Variants in UBA2 observed in about 807,000 individuals in gnomAD.
UBA2 encodes the protein ubiquitin like modifier activating enzyme 2.
A neutral mutation model predicts 77.2 loss-of-function variants in UBA2; 11 were observed. The ratio of observed to expected loss-of-function variants is 0.14; its 90% CI spans 0.09 to 0.24. UBA2 has a LOEUF of 0.24. Among genes scored for constraint, UBA2 ranks in the 10% least tolerant of loss-of-function variants. The probability of loss-of-function intolerance (pLI) is 1.00; values close to 1 mark genes in which losing one functional copy is unlikely to be tolerated. For missense variants in UBA2, 487 were observed against 781.7 expected (o/e 0.62, Z 4.50); for synonymous variants, 278 against 276.7 (o/e 1.00, Z -0.05).
intron 2 of UBA2, 152 bp from the exon 3 acceptor site, chr19:34,431,709 C>T: frequency 1.5e-6 from 1 of 661,210 alleles, no homozygotes. Context: ...TGTAGCTTAA[C>T]CCTAATGCAA....
chr19:34,469,663 G>A lies in UBA2; in HGVS notation c.*442G>A, dbSNP rs1232524046. On this transcript the variant is annotated 3_prime_UTR_variant, in exon 17 of 17. Coordinates refer to ENST00000246548, the MANE Select transcript of UBA2 (RefSeq NM_005499.3). ...ATTGAAACAGATTCAAAGAAGTATC[G>A]AGTGCTATGCATTGAAACTTGTTTT... 6.6e-6 allele frequency: 1 copy of A among 152,614 alleles called. No individual in the cohort carries two copies. The highest frequency in any genetic ancestry group is 1.5e-5 in the Non-Finnish European group (1 of 68,118). The allele number at this position is 152,614 out of a possible 1,614,324, so 9.5% of individuals were successfully genotyped here.
chr19:34,439,657 G>A (rs1599897663), intron 6 of UBA2, among the ~76,000 whole-genome samples: 1 of 151,776 alleles, frequency 6.6e-6, no homozygotes, highest in Admixed American at 6.6e-5. Flanking sequence ...TGGCAAAACC[G>A]TGTCTCTACA....
At chr19:34,460,994 T>C (rs551568967) in intron 14 of UBA2, among the ~76,000 whole-genome samples, 1 of 152,370 alleles carries the variant, frequency 6.6e-6, no homozygotes, top group Non-Finnish European at 1.5e-5. Flanking sequence ...TTCTGATCTT[T>C]CCTTTCAAAA....
At chr19:34,441,271 C>T (rs1331535871) in intron 6 of UBA2, among the ~76,000 whole-genome samples, 5 of 151,822 alleles carry the variant, frequency 3.3e-5, no homozygotes, top group Admixed American at 6.6e-5. Context: ...CTGGCTAACA[C>T]GGTGAAACCC....
chr19:34,429,861 A>G (rs939695958), intron 1 of UBA2, among the ~76,000 whole-genome samples: 2 of 152,120 alleles, frequency 1.3e-5, no homozygotes, highest in African/African-American at 4.8e-5. Flanking sequence ...AGAACAGGGC[A>G]TAGTTAAATT....
chr19:34,430,986 C>T (rs1377273279), intron 2 of UBA2, among the ~76,000 whole-genome samples: 1 of 152,132 alleles, frequency 6.6e-6, no homozygotes, highest in African/African-American at 2.4e-5. Flanking sequence ...GAGCGTTATG[C>T]TGCTGTCCTA....
At chr19:34,433,490 A>G in intron 4 of UBA2, 78 bp downstream of exon 4, 1 of 1,002,248 alleles carries the variant, frequency 1.0e-6, no homozygotes, top group Non-Finnish European at 1.5e-6. Flanking sequence ...TTTAATATTT[A>G]TTAGACTATT....
chr19:34,451,719 T>C (rs1298343777), intron 9 of UBA2, among the ~76,000 whole-genome samples: 4 of 152,062 alleles, frequency 2.6e-5, no homozygotes, highest in East Asian at 3.9e-4. Flanking sequence ...GCATATTTTT[T>C]GTATTTTTAG....
chr19:34,464,036 C>G lies in UBA2; in HGVS notation c.1509C>G (p.His503Gln). Residue 503 changes from histidine to glutamine, a missense_variant, in exon 15 of 17, where the codon CAC becomes CAG. Around this residue, in one of 9 missense-constraint regions of UBA2, gnomAD observed 300 missense variants for 454.3 expected, o/e 0.66. Transcript: ENST00000246548. ...ATTCACGTTTCCTAGCTAATAATCACAAGAAGTTGTCAGAATTTGGAATTA... is the reference window on the plus strand; with the variant it reads ...ATTCACGTTTCCTAGCTAATAATCAGAAGAAGTTGTCAGAATTTGGAATTA... Reference protein sequence around the residue: ...SEEGETEANNHKKLSEFGIRN... With the variant: ...SEEGETEANNQKKLSEFGIRN... 1 of 1,611,700 alleles carries G rather than the reference C, an allele frequency of 6.2e-7. No homozygotes were observed. Among genetic ancestry groups the G allele is most frequent in the East Asian group, 2.2e-5 (1 of 44,846 alleles).
chr19:34,438,295 A>G (rs1383611460), intron 5 of UBA2, among the ~76,000 whole-genome samples: 3 of 151,684 alleles, frequency 2.0e-5, no homozygotes, highest in Non-Finnish European at 2.9e-5. Flanking sequence ...TTTGAGAAAT[A>G]ATTTCTTGGA....
Position 34,458,912 on chromosome 19 carries a change from C to G in UBA2, c.1389C>G (p.Thr463=), listed in dbSNP as rs1399830188. Residue 463 remains threonine (T), a synonymous_variant, in exon 13 of 17, where the codon ACC becomes ACG. Coordinates refer to ENST00000246548, the MANE Select transcript of UBA2 (RefSeq NM_005499.3). ...RLNVHKVTVL[T]LQDKIVKEKF... is the part of the protein sequence containing the mutation. ...ATGTCCATAAAGTGACTGTTCTCACCTTACAAGACAAGGTCAGTGCAAGGC... is the reference window on the plus strand; with the variant it reads ...ATGTCCATAAAGTGACTGTTCTCACGTTACAAGACAAGGTCAGTGCAAGGC... 29 of 1,613,566 alleles carry G rather than the reference C, an allele frequency of 1.8e-5. No individual in the cohort carries two copies. The highest frequency in any genetic ancestry group is 2.4e-5 in the Non-Finnish European group (28 of 1,179,874).
chr19:34,468,280 A>C (rs1349690051), intron 16 of UBA2, among the ~76,000 whole-genome samples: 1 of 152,224 alleles, frequency 6.6e-6, no homozygotes, highest in African/African-American at 2.4e-5. Flanking sequence ...ACGAACATTC[A>C]GATTATGGCC....
chr19:34,442,535 C>A (rs377067934), intron 6 of UBA2, among the ~76,000 whole-genome samples: 2 of 152,126 alleles, frequency 1.3e-5, no homozygotes, highest in Non-Finnish European at 1.5e-5. Flanking sequence ...TGGGTTCAAG[C>A]GATTCTCCTG....
At chr19:34,428,788 A>G (rs2075217662) in intron 1 of UBA2, 2 of 1,142,086 alleles carry the variant, frequency 1.8e-6, no homozygotes, top group South Asian at 9.0e-5. Flanking sequence ...CCGGCTCCGG[A>G]CGCCGAGGAG....
At chr19:34,459,671 G>A (rs557004359) in intron 13 of UBA2, among the ~76,000 whole-genome samples, 2 of 152,260 alleles carry the variant, frequency 1.3e-5, no homozygotes, top group South Asian at 4.1e-4. Context: ...ACCCAAAAGT[G>A]TCACTTTCCA....
chr19:34,457,615 C>T (rs886766992), intron 12 of UBA2, among the ~76,000 whole-genome samples: 2 of 152,100 alleles, frequency 1.3e-5, no homozygotes, highest in South Asian at 4.1e-4. Flanking sequence ...TACGGAGAAG[C>T]TATTTTACAG....
intron 12 of UBA2, among the ~76,000 whole-genome samples, chr19:34,458,416 C>T (rs533027808): frequency 1.8e-4 from 28 of 151,672 alleles, no homozygotes; most frequent in African/African-American, 5.6e-4. Flanking sequence ...AAAAATTAGC[C>T]GGGCGAGGTG....
At chr19:34,432,859 T>C (rs887928723) in intron 3 of UBA2, among the ~76,000 whole-genome samples, 1 of 151,176 alleles carries the variant, frequency 6.6e-6, no homozygotes, top group Admixed American at 6.6e-5. Flanking sequence ...CCGGCCTGTA[T>C]CTCCGGCTTG....
chr19:34,436,890 G>A (rs996456414), intron 5 of UBA2, among the ~76,000 whole-genome samples: 19 of 152,114 alleles, frequency 1.2e-4, no homozygotes, highest in Non-Finnish European at 2.4e-4. Context: ...ATGTCAGTGC[G>A]TATTAAGTTG....
Sources: gnomAD v4.1 joint callset for allele counts (sites outside exome capture counted in the v4.1 genomes callset) on GRCh38, gnomAD v4.1.1 for gene constraint, gnomAD v4.1.1 regional missense constraint, MANE v1.5 for transcripts, NCBI Gene and HGNC (gene_info 2026-07-23, HGNC 2026-07-21) for gene names.